The following ZNF766 variants were observed in gnomAD, a reference collection of about 807,000 sequenced individuals.
The protein encoded by ZNF766 is zinc finger protein 766.
In ZNF766, 13 loss-of-function variants were observed where a neutral mutation model predicts 13.2. The observed-to-expected ratio is 0.98, with a 90% confidence interval of 0.64 to 1.56. The LOEUF (loss-of-function observed/expected upper bound fraction) is 1.56, where lower values mean the gene tolerates loss of function less well. ZNF766 is among the 40% of genes most tolerant of loss of function. The probability of loss-of-function intolerance (pLI) is 0.00; values close to 1 mark genes in which losing one functional copy is unlikely to be tolerated. For missense variants in ZNF766, 521 were observed against 552.2 expected (o/e 0.94, Z 0.57); for synonymous variants, 178 against 187.6 (o/e 0.95, Z 0.42).
intron 2 of ZNF766, 101 bp from the exon 3 acceptor site, chr19:52,283,184 G>T: frequency 1.4e-6 from 2 of 1,425,364 alleles, no homozygotes; most frequent in South Asian, 1.4e-5. Flanking sequence ...ATTCTAACTG[G>T]CTTTAAAGGA....
intron 1 of ZNF766, chr19:52,277,065 A>G: frequency 1.0e-6 from 1 of 985,760 alleles, no homozygotes; most frequent in Non-Finnish European, 1.2e-6. Flanking sequence ...GTATTTCCAC[A>G]GGGTGAGGTC....
chr19:52,288,793 CT>C (rs60519273), intron 3 of ZNF766, among the ~76,000 whole-genome samples: 12,841 of 150,966 alleles, frequency 0.085, 1,188 homozygotes, highest in African/African-American at 0.23. Flanking sequence ...TTACATTTTC[CT>C]TTATATCAAG....
rs2122492452 is a variant in ZNF766, at chr19:52,290,207, T to G, written c.416T>G (p.Phe139Cys). Reference sequence around the variant, plus strand: ...TATGAATGTAATCAAGTTCAAAAGTTCATCAGCCACAGTTCTTCAGTTTCG... The same window carrying G: ...TATGAATGTAATCAAGTTCAAAAGTGCATCAGCCACAGTTCTTCAGTTTCG... ...KIYECNQVQK[F>C]ISHSSSVSPL... The change falls in exon 4 of 4, where the codon TTC becomes TGC. Residue 139 changes from phenylalanine to cysteine, a missense_variant. Coordinates refer to ENST00000439461, the MANE Select transcript of ZNF766 (RefSeq NM_001010851.3). 6.2e-7 allele frequency: 1 copy of G among 1,614,022 alleles called. No homozygotes were observed. Among genetic ancestry groups the G allele is most frequent in the East Asian group, 2.2e-5 (1 of 44,886 alleles).
rs1043552390 is a variant in ZNF766, at chr19:52,291,205, C to T, written c.*7C>T. 2.6e-6 allele frequency: 4 copies of T among 1,547,728 alleles called. No homozygotes were observed. In the African/African-American group the frequency reaches 5.5e-5, roughly 21 times the overall value. On this transcript the variant is annotated 3_prime_UTR_variant, in exon 4 of 4. Coordinates refer to ENST00000439461, the MANE Select transcript of ZNF766 (RefSeq NM_001010851.3). ...GAGAGTCCTTACAAACTGAGTTTGGCAAACTCTATCATAAGTTCTAGCAGT... is the reference window on the plus strand; with the variant it reads ...GAGAGTCCTTACAAACTGAGTTTGGTAAACTCTATCATAAGTTCTAGCAGT...
At position 52,293,425 on chromosome 19, in the gene ZNF766, TC is replaced by T. The variant is rs1982235045; in HGVS notation, c.*2228del. 6.6e-6 allele frequency: 1 copy of T among 152,100 alleles called. No homozygotes were observed. The highest frequency in any genetic ancestry group is 1.5e-5 in the Non-Finnish European group (1 of 68,038). The allele number at this position is 152,100 out of a possible 1,614,324, so 9.4% of individuals were successfully genotyped here. On this transcript the variant is annotated 3_prime_UTR_variant, in exon 4 of 4. Coordinates refer to ENST00000439461, the MANE Select transcript of ZNF766 (RefSeq NM_001010851.3). ...CCTGACCTCGGGTGATCCAGCCACC[TC>T]GGGTTCCCGAAGTGCTAAGATTACA...
At chr19:52,282,319 G>C in intron 2 of ZNF766, 82 bp downstream of exon 2, 1 of 1,467,140 alleles carries the variant, frequency 6.8e-7, no homozygotes. Flanking sequence ...GGGAGCCCCT[G>C]CATTGCTTGA....
rs376799852 is a variant in ZNF766, at chr19:52,290,961, A to C, written c.1170A>C (p.Lys390Asn). 3 of 1,613,992 alleles carry C rather than the reference A, an allele frequency of 1.9e-6. No individual in the cohort carries two copies. The African/African-American group carries it at 4.0e-5, about 22-fold the overall frequency. The change falls in exon 4 of 4, where the codon AAA becomes AAC. Residue 390 changes from lysine (K) to asparagine (N), a missense_variant. Physicochemically the swap from Lys to Asn is moderately conservative, Grantham distance 94 (BLOSUM62 0). Coordinates refer to ENST00000439461, the MANE Select transcript of ZNF766 (RefSeq NM_001010851.3). ...CTTATAAATGTCATGAATGTGGCAA[A>C]GTCTTCACTCAAGTTTCACATCTTG... ...EKPYKCHECGKVFTQVSHLAR... is the reference protein window; with the variant it reads ...EKPYKCHECGNVFTQVSHLAR...
chr19:52,274,216 C>T (rs891990349), intron 1 of ZNF766, among the ~76,000 whole-genome samples: 1 of 146,958 alleles, frequency 6.8e-6, no homozygotes, highest in African/African-American at 2.6e-5. Context: ...CTTCCAAGAT[C>T]CCCCCAAGAC....
At chr19:52,284,342 T>G (rs1194531066) in intron 3 of ZNF766, among the ~76,000 whole-genome samples, 1 of 152,154 alleles carries the variant, frequency 6.6e-6, no homozygotes, top group Non-Finnish European at 1.5e-5. Flanking sequence ...TTTCCTGTAC[T>G]GGGAAGACCT....
chr19:52,273,839 T>A (rs1298666016), intron 1 of ZNF766, among the ~76,000 whole-genome samples: 1 of 152,038 alleles, frequency 6.6e-6, no homozygotes. Flanking sequence ...CCCGTCTGAG[T>A]GGAGCTCACC....
chr19:52,291,550 A>C lies in ZNF766; in HGVS notation c.*352A>C, dbSNP rs1982144943. On this transcript the variant is annotated 3_prime_UTR_variant, in exon 4 of 4. Coordinates refer to ENST00000439461, the MANE Select transcript of ZNF766 (RefSeq NM_001010851.3). ...GAGGCAGGTGGATCACAAGGTCAGG[A>C]GTTTGAGACCAGCCTGGCCAATATG... 1 of 195,298 alleles carries C rather than the reference A, an allele frequency of 5.1e-6. No homozygotes were observed. Among genetic ancestry groups the C allele is most frequent in the Non-Finnish European group, 1.1e-5 (1 of 95,006 alleles). The allele number at this position is 195,298 out of a possible 1,614,324, so 12.1% of individuals were successfully genotyped here. A position where few individuals can be genotyped will look rare whatever the true frequency, so the allele number is the denominator to read the frequency against.
chr19:52,278,667 A>G (rs996023667), intron 1 of ZNF766, among the ~76,000 whole-genome samples: 2 of 152,164 alleles, frequency 1.3e-5, no homozygotes, highest in Admixed American at 6.5e-5. Context: ...AGCCTCCCAA[A>G]GTGCTGGGAT....
chr19:52,283,395 A>G lies in ZNF766; in HGVS notation c.256A>G (p.Ile86Val), dbSNP rs1981636240. The change falls in exon 3 of 4, where the codon ATC becomes GTC. Residue 86 changes from isoleucine (I) to valine (V), a missense_variant. Physicochemically the swap from Ile to Val is conservative, Grantham distance 29. Coordinates refer to ENST00000439461, the MANE Select transcript of ZNF766 (RefSeq NM_001010851.3). ...AAAAAATCCAGATAGGTGGGAAGGTATCAAAGATATCAACACAGGTAAGAG... is the reference window on the plus strand; with the variant it reads ...AAAAAATCCAGATAGGTGGGAAGGTGTCAAAGATATCAACACAGGTAAGAG... ...VAKNPDRWEG[I>V]KDINTGRSCA... The G allele has an allele frequency of 6.2e-7, 1 of 1,600,222 alleles. No individual in the cohort carries two copies. Among genetic ancestry groups the G allele is most frequent in the Non-Finnish European group, 8.5e-7 (1 of 1,172,408 alleles).
chr19:52,273,158 A>G (rs555401658), intron 1 of ZNF766, among the ~76,000 whole-genome samples: 1 of 152,036 alleles, frequency 6.6e-6, no homozygotes, highest in South Asian at 2.1e-4. Context: ...ACAGGCGTGC[A>G]CCATCACGCC....
chr19:52,290,672 C>T lies in ZNF766; in HGVS notation c.881C>T (p.Thr294Ile). 1.9e-6 allele frequency: 3 copies of T among 1,613,600 alleles called. No individual in the cohort carries two copies. The highest frequency in any genetic ancestry group is 2.2e-5 in the East Asian group (1 of 44,876). ...TYLVRHQKIH[T>I]REKPHKCNKC... ...CTTGTACGACATCAGAAAATTCATA[C>T]TAGAGAGAAACCTCATAAATGTAAC... Residue 294 changes from threonine to isoleucine, a missense_variant, in exon 4 of 4, where the codon ACT (threonine) becomes ATT (isoleucine). Coordinates refer to ENST00000439461, the MANE Select transcript of ZNF766 (RefSeq NM_001010851.3).
Position 52,291,475 on chromosome 19 carries a change from TTGGC to T in ZNF766, c.*281_*284del, listed in dbSNP as rs1425453270. 9.3e-6 allele frequency: 3 copies of T among 321,150 alleles called. No individual in the cohort carries two copies. The highest frequency in any genetic ancestry group is 4.5e-5 in the Admixed American group (1 of 22,138). The allele number at this position is 321,150 out of a possible 1,614,324, so 19.9% of individuals were successfully genotyped here. A position where few individuals can be genotyped will look rare whatever the true frequency, so the allele number is the denominator to read the frequency against. On this transcript the variant is annotated 3_prime_UTR_variant, in exon 4 of 4. Coordinates refer to ENST00000439461, the MANE Select transcript of ZNF766 (RefSeq NM_001010851.3). ...AATATTCGGGTTATTAAAAATGTAA[TTGGC>T]TGGGCGCAGTGGCTCACACCTGTAA...
At chr19:52,289,083 C>G (rs1180894099) in intron 3 of ZNF766, among the ~76,000 whole-genome samples, 2 of 149,978 alleles carry the variant, frequency 1.3e-5, no homozygotes, top group Non-Finnish European at 3.0e-5. Context: ...GTCTTGAGCT[C>G]CTCACCTCAT....
In ZNF766 at chr19:52,292,064, G is replaced by A. The variant is rs1386060869; in HGVS notation, c.*866G>A. 6 of 687,204 alleles carry A rather than the reference G, an allele frequency of 8.7e-6. No homozygotes were observed. The highest frequency in any genetic ancestry group is 7.1e-5 in the African/African-American group (4 of 56,558). The allele number at this position is 687,204 out of a possible 1,614,324, so 42.6% of individuals were successfully genotyped here. ...TGTACTCCAGCTTGGGTGACAGAGC[G>A]AGACCCTGTCTCAAAAGAAAAAAAA... On this transcript the variant is annotated 3_prime_UTR_variant, in exon 4 of 4. Transcript: ENST00000439461.
intron 3 of ZNF766, among the ~76,000 whole-genome samples, chr19:52,287,780 C>T (rs979658533): frequency 1.3e-5 from 2 of 152,048 alleles, no homozygotes; most frequent in Non-Finnish European, 2.9e-5. Context: ...TGTTGAGTCT[C>T]ATTTAATTTC....
Sources: allele counts gnomAD v4.1 joint callset (sites outside exome capture counted in the v4.1 genomes callset), GRCh38; gene constraint gnomAD v4.1.1; transcripts MANE v1.5; gene names NCBI Gene and HGNC (gene_info 2026-07-23, HGNC 2026-07-21).